The following USP46 variants were observed in gnomAD, a reference collection of about 807,000 sequenced individuals.
USP46 encodes the protein ubiquitin specific peptidase 46, also known as ubiquitin carboxyl-terminal hydrolase 46.
USP46 carries 12 observed loss-of-function variants against 44.4 expected under a neutral mutation model. That is an observed-to-expected ratio of 0.27 (90% CI 0.17 to 0.44). The LOEUF (loss-of-function observed/expected upper bound fraction) is 0.44, where lower values mean the gene tolerates loss of function less well. Ranked by LOEUF, USP46 falls within the 20% of genes least tolerant of loss-of-function variation. The pLI, the probability that USP46 is intolerant of heterozygous loss-of-function variation, is 1.00. For synonymous variants in USP46, 155 were observed against 161.5 expected (o/e 0.96, Z 0.31); for missense variants, 248 against 444.8 (o/e 0.56, Z 3.98).
chr4:52,659,294 G>C lies in USP46; in HGVS notation c.-144C>G, dbSNP rs1171193530. On this transcript the variant is annotated 5_prime_UTR_variant, in exon 1 of 9. Coordinates refer to ENST00000441222, the MANE Select transcript of USP46 (RefSeq NM_022832.4). This position sits in a 1 kb window ranked among gnomAD's most constrained non-coding sequence, Gnocchi z 4.2. ...TCAGTTTGGCTGGGAGAGGGAGGCC[G>C]GGAGGAGGAGGCGGCGGCGCGGGGA... 1 of 751,008 alleles carries C rather than the reference G, an allele frequency of 1.3e-6. No individual in the cohort carries two copies. Among genetic ancestry groups the C allele is most frequent in the Admixed American group, 4.2e-5 (1 of 23,666 alleles). The allele number at this position is 751,008 out of a possible 1,614,324, so 46.5% of individuals were successfully genotyped here.
intron 1 of USP46, among the ~76,000 whole-genome samples, chr4:52,642,678 G>A (rs1460934721): frequency 6.6e-6 from 1 of 152,200 alleles, no homozygotes; most frequent in Non-Finnish European, 1.5e-5. Flanking sequence ...GGGAGTCAGA[G>A]GAGACATGAG....
intron 3 of USP46, among the ~76,000 whole-genome samples, chr4:52,626,524 C>A (rs1717592276): frequency 6.6e-6 from 1 of 152,080 alleles, no homozygotes; most frequent in African/African-American, 2.4e-5. Context: ...CCAGGTTCAC[C>A]ATGTTGGCCA....
intron 4 of USP46, among the ~76,000 whole-genome samples, chr4:52,624,018 T>C (rs1717483344): frequency 6.6e-6 from 1 of 152,118 alleles, no homozygotes; most frequent in Non-Finnish European, 1.5e-5. Flanking sequence ...ACCACAAGAA[T>C]GTTTCCAGAA....
At chr4:52,641,227 G>A (rs913263964) in intron 1 of USP46, among the ~76,000 whole-genome samples, 3 of 152,120 alleles carry the variant, frequency 2.0e-5, no homozygotes, top group Non-Finnish European at 4.4e-5. Flanking sequence ...ATCTTGGGGG[G>A]TAAATCACAG....
chr4:52,629,592 C>A (rs1717728300), intron 2 of USP46: 1 of 456,114 alleles, frequency 2.2e-6, no homozygotes, highest in Admixed American at 2.4e-5. Flanking sequence ...CAGGGCTTAG[C>A]TTTCCTCCTT....
chr4:52,617,931 G>A (rs1717225196), intron 4 of USP46, among the ~76,000 whole-genome samples: 1 of 152,150 alleles, frequency 6.6e-6, no homozygotes, highest in African/African-American at 2.4e-5. Context: ...TCAATTTTGA[G>A]CATGGAGGTC....
intron 5 of USP46, among the ~76,000 whole-genome samples, chr4:52,609,544 C>G (rs1038538533): frequency 1.3e-5 from 2 of 152,176 alleles, no homozygotes; most frequent in Admixed American, 6.5e-5. Context: ...ACGTCCTTCT[C>G]CCATCACGGA....
chr4:52,618,905 G>A (rs187242046), intron 4 of USP46, among the ~76,000 whole-genome samples: 28 of 152,280 alleles, frequency 1.8e-4, no homozygotes, highest in African/African-American at 6.7e-4. Context: ...TAATAAAGCA[G>A]TTCTTAAAAC....
intron 6 of USP46, among the ~76,000 whole-genome samples, chr4:52,603,539 C>G (rs1373101234): frequency 6.6e-6 from 1 of 152,120 alleles, no homozygotes; most frequent in Non-Finnish European, 1.5e-5. Context: ...TCACAGGAAG[C>G]CTTCGCAGGA....
At chr4:52,614,999 A>AGC (rs1216897734) in intron 4 of USP46, among the ~76,000 whole-genome samples, 2 of 152,168 alleles carry the variant, frequency 1.3e-5, no homozygotes, top group Non-Finnish European at 2.9e-5. Context: ...CAAAATCACT[A>AGC]AAAATACACC....
intron 4 of USP46, among the ~76,000 whole-genome samples, chr4:52,618,274 A>T (rs1247439753): frequency 6.6e-6 from 1 of 152,096 alleles, no homozygotes; most frequent in Non-Finnish European, 1.5e-5. Flanking sequence ...AGATCATCTG[A>T]GGTCGGGATT....
intron 4 of USP46, among the ~76,000 whole-genome samples, chr4:52,613,404 A>T (rs1717007657): frequency 6.6e-6 from 1 of 152,196 alleles, no homozygotes; most frequent in Admixed American, 6.5e-5. Context: ...TTAAAACTAA[A>T]GAAACTCAAT....
At chr4:52,627,745 G>A (rs923441963) in intron 3 of USP46, among the ~76,000 whole-genome samples, 3 of 152,192 alleles carry the variant, frequency 2.0e-5, no homozygotes, top group Non-Finnish European at 2.9e-5. Context: ...ATAAATGTGC[G>A]TTTTTAAGCA....
At position 52,652,352 on chromosome 4, in the gene USP46, C is replaced by A. The variant is rs1718799385; in HGVS notation, c.36+6763G>T. On this transcript the variant is annotated intron_variant, in intron 1 of 8. Coordinates refer to ENST00000441222, the MANE Select transcript of USP46 (RefSeq NM_022832.4). ...CAGGCAACTTATTAAAGAAGACGAT[C>A]AAATTCCTTTGACCCAGCAATTCCC... is the stretch of plus-strand genomic sequence containing the variant. Among the ~76,000 whole-genome samples the A allele has an allele frequency of 3.3e-5, 5 of 152,168 alleles. No individual in the cohort carries two copies. In the South Asian group the frequency reaches 1.0e-3, roughly 32 times the overall value.
chr4:52,592,803 C>T lies in USP46; in HGVS notation c.*4837G>A, dbSNP rs1048424992. On this transcript the variant is annotated 3_prime_UTR_variant, in exon 9 of 9. Transcript: ENST00000441222. ...GCAGTGAGCTGAGATCTCATCACTG[C>T]ACTCCAGCCTGGGTGACAGTGAGAC... 7.5e-6 allele frequency: 3 copies of T among 398,160 alleles called. No individual in the cohort carries two copies. The highest frequency in any genetic ancestry group is 4.4e-5 in the Admixed American group (1 of 22,672). The allele number at this position is 398,160 out of a possible 1,614,324, so 24.7% of individuals were successfully genotyped here.
chr4:52,614,737 ACTT>A (rs1243938162), intron 4 of USP46, among the ~76,000 whole-genome samples: 1 of 152,174 alleles, frequency 6.6e-6, no homozygotes, highest in Non-Finnish European at 1.5e-5. Context: ...AATACAAAAT[ACTT>A]TTTTCCTCTT....
intron 5 of USP46, among the ~76,000 whole-genome samples, chr4:52,607,166 C>G (rs1475961168): frequency 4.6e-5 from 7 of 152,196 alleles, no homozygotes; most frequent in East Asian, 3.8e-4. Flanking sequence ...TAGACCCAGA[C>G]AGGTGGAAAT....
intron 5 of USP46, among the ~76,000 whole-genome samples, chr4:52,605,795 C>T (rs920544468): frequency 1.3e-4 from 20 of 152,322 alleles, no homozygotes; most frequent in Admixed American, 1.1e-3. Context: ...CACTTATCCA[C>T]CCTGCCTCCT....
At chr4:52,641,051 A>G (rs1718320945) in intron 1 of USP46, among the ~76,000 whole-genome samples, 1 of 152,028 alleles carries the variant, frequency 6.6e-6, no homozygotes, top group African/African-American at 2.4e-5. Flanking sequence ...GGCAGCAGAG[A>G]GAATGAAGCA....
Sources: gnomAD v4.1 joint callset for allele counts (sites outside exome capture counted in the v4.1 genomes callset) on GRCh38, gnomAD v4.1.1 for gene constraint, Gnocchi (gnomAD v3.1) non-coding constraint, MANE v1.5 for transcripts, NCBI Gene and HGNC (gene_info 2026-07-23, HGNC 2026-07-21) for gene names.